ARHGAP23: variants seen among roughly 807,000 people sequenced by gnomAD.
The protein encoded by ARHGAP23 is rho GTPase-activating protein 23.
A neutral mutation model predicts 136.3 loss-of-function variants in ARHGAP23; 34 were observed. The ratio of observed to expected loss-of-function variants is 0.25; its 90% confidence interval spans 0.19 to 0.33. The LOEUF (loss-of-function observed/expected upper bound fraction) is 0.33. ARHGAP23 is among the 10% of genes least tolerant of loss of function. ARHGAP23 has a pLI of 1.00. For synonymous variants in ARHGAP23, 832 were observed against 920.5 expected, an observed-to-expected ratio of 0.90 and a Z score of 1.74; for missense variants, 1,808 against 2,139.0, an observed-to-expected ratio of 0.85 and a Z score of 3.05.
At chr17:38,441,751 G>A (rs1332614094) in intron 1 of ARHGAP23, among the ~76,000 whole-genome samples, 1 of 152,188 alleles carries the variant, frequency 6.6e-6, no homozygotes, top group East Asian at 1.9e-4. Context: ...AGAAGGGGAC[G>A]GGGAGGGGGC....
intron 14 of ARHGAP23, among the ~76,000 whole-genome samples, chr17:38,481,538 C>T (rs898614516): frequency 4.6e-5 from 7 of 152,216 alleles, no homozygotes; most frequent in Admixed American, 2.6e-4. Context: ...GTGGTCCTGC[C>T]GGCCTCAGCT....
chr17:38,463,793 C>T lies in ARHGAP23; in HGVS notation c.483+411C>T, dbSNP rs553964588. Among the ~76,000 whole-genome samples, 11 of 152,242 alleles carry T rather than the reference C, an allele frequency of 7.2e-5. No homozygotes were observed. The South Asian group carries it at 1.7e-3, about 23-fold the overall frequency. ...GCTCAGCACACTGCACCCCACCCAC[C>T]GTCATGTGCACCACACAGTACCCGA... On this transcript the variant is annotated intron_variant, in intron 6 of 23. Transcript: ENST00000622683.
chr17:38,511,384 C>A lies in ARHGAP23; in HGVS notation c.*412C>A, dbSNP rs181179998. The A allele has an allele frequency of 4.2e-3, 751 of 179,674 alleles. 5 individuals are homozygous for A. Among genetic ancestry groups the A allele is most frequent in the Non-Finnish European group, 6.7e-3 (586 of 86,978 alleles). The allele number at this position is 179,674 out of a possible 1,614,324, so 11.1% of individuals were successfully genotyped here. On this transcript the variant is annotated 3_prime_UTR_variant, in exon 24 of 24. Coordinates refer to ENST00000622683, the MANE Select transcript of ARHGAP23 (RefSeq NM_001199417.2). The stretch of plus-strand genomic sequence containing the variant: ...CTGGCTTTTTGCTTCTTTCTTCTGC[C>A]CTCCCACCTCAGCTTGTAAGCGGGG...
Position 38,491,541 on chromosome 17 carries a change from C to G in ARHGAP23, c.3276+9C>G. The G allele has an allele frequency of 6.5e-7, 1 of 1,549,494 alleles. No individual in the cohort carries two copies. The highest frequency in any genetic ancestry group is 8.7e-7 in the Non-Finnish European group (1 of 1,146,772). On this transcript the variant is annotated intron_variant, in intron 20 of 23. Coordinates refer to ENST00000622683, the MANE Select transcript of ARHGAP23 (RefSeq NM_001199417.2). ...AGACACTGATCCAGCACGTAAGCCC[C>G]TGTTCCGGGGGGCGCCCGGCAGCCC... is the stretch of plus-strand genomic sequence containing the variant.
intron 23 of ARHGAP23, among the ~76,000 whole-genome samples, chr17:38,503,309 G>A (rs1431891044): frequency 1.3e-5 from 2 of 152,320 alleles, no homozygotes; most frequent in African/African-American, 4.8e-5. Context: ...CGAAGTGGAA[G>A]GTGAGGACCT....
chr17:38,503,436 G>A (rs2040563414), intron 23 of ARHGAP23, among the ~76,000 whole-genome samples: 1 of 152,250 alleles, frequency 6.6e-6, no homozygotes, highest in South Asian at 2.1e-4. Context: ...GGCAGGCCGA[G>A]GCCTCTGAAG....
chr17:38,497,269 C>T (rs895817308), intron 20 of ARHGAP23, among the ~76,000 whole-genome samples: 19 of 152,230 alleles, frequency 1.2e-4, no homozygotes, highest in African/African-American at 2.4e-4. Flanking sequence ...AAACCTCCAA[C>T]GCCTTTCTCC....
intron 1 of ARHGAP23, 110 bp from the exon 2 acceptor site, chr17:38,457,992 G>A (rs1158862184): frequency 1.1e-5 from 15 of 1,367,508 alleles, no homozygotes; most frequent in East Asian, 1.0e-4. Flanking sequence ...ACCCTAGGGC[G>A]AAAGACCCCT....
chr17:38,424,037 AC>A (rs989110022), upstream of ARHGAP23, among the ~76,000 whole-genome samples: 1 of 152,120 alleles, frequency 6.6e-6, no homozygotes, highest in Non-Finnish European at 1.5e-5. Context: ...AGAGGGTGAA[AC>A]TGAGGTTCTG....
intron 1 of ARHGAP23, among the ~76,000 whole-genome samples, chr17:38,436,028 G>A (rs2144506293): frequency 6.6e-6 from 1 of 152,326 alleles, no homozygotes; most frequent in Non-Finnish European, 1.5e-5. Flanking sequence ...CTGTTATCTT[G>A]CACTGGCATC....
intron 23 of ARHGAP23, 173 bp downstream of exon 23, chr17:38,500,801 T>C (rs2040502863): frequency 1.1e-5 from 7 of 653,100 alleles, no homozygotes; most frequent in Admixed American, 2.7e-5. Context: ...TTGCTTACCT[T>C]GGCAGTGTTT....
intron 1 of ARHGAP23, 73 bp downstream of exon 1, chr17:38,428,621 T>A: frequency 1.9e-6 from 2 of 1,072,050 alleles, no homozygotes; most frequent in South Asian, 2.6e-5. Flanking sequence ...CCAGGGTCGC[T>A]GCGACCCCGC....
chr17:38,443,591 G>A (rs976749478), intron 1 of ARHGAP23, among the ~76,000 whole-genome samples: 1 of 151,850 alleles, frequency 6.6e-6, no homozygotes, highest in African/African-American at 2.4e-5. Flanking sequence ...CTGCCTCTGG[G>A]CATCACAGAC....
At chr17:38,460,554 G>A (rs193013065) in intron 2 of ARHGAP23, among the ~76,000 whole-genome samples, 1 of 152,146 alleles carries the variant, frequency 6.6e-6, no homozygotes, top group African/African-American at 2.4e-5. Context: ...TGTAGTTTGC[G>A]CTTGTCACGT....
intron 1 of ARHGAP23, among the ~76,000 whole-genome samples, chr17:38,429,591 A>G (rs1424235265): frequency 6.6e-6 from 1 of 151,980 alleles, no homozygotes; most frequent in Non-Finnish European, 1.5e-5. Context: ...TCTTTTGGAG[A>G]CTGGTGTGTT....
At chr17:38,472,505 G>A (rs1453805484) in intron 11 of ARHGAP23, among the ~76,000 whole-genome samples, 1 of 150,980 alleles carries the variant, frequency 6.6e-6, no homozygotes, top group East Asian at 1.9e-4. Flanking sequence ...GAGGGGCCAT[G>A]CTGGAGGCAA....
chr17:38,448,600 G>A (rs1346403275), intron 1 of ARHGAP23, among the ~76,000 whole-genome samples: 1 of 149,516 alleles, frequency 6.7e-6, no homozygotes, highest in Non-Finnish European at 1.5e-5. Context: ...GATCCCGTGT[G>A]TCAGCCCCTG....
At chr17:38,454,084 T>TGGCTGCCCTGCCTCA (rs2039264277) in intron 1 of ARHGAP23, 1 of 149,788 alleles carries the variant, frequency 6.7e-6, no homozygotes, top group Admixed American at 6.6e-5. Context: ...GCGCTGCCTC[T>TGGCTGCCCTGCCTCA]GGCTGCCCTG....
In ARHGAP23 at chr17:38,458,181, A is replaced by G. The variant is rs768810537; in HGVS notation, c.143A>G (p.Lys48Arg). Residue 48 changes from lysine to arginine, a missense_variant, in exon 2 of 24, where the codon AAA (lysine) becomes AGA (arginine). By Grantham distance (26) the Lys-to-Arg change is conservative. This residue lies in a region of ARHGAP23 where 859 missense variants were observed against 936.4 expected (regional missense o/e 0.92). Coordinates refer to ENST00000622683, the MANE Select transcript of ARHGAP23 (RefSeq NM_001199417.2). Reference sequence around the variant, plus strand: ...GGGCCGAGGACGCTGCTGCTGTACAAAAGTCCCCAGGACGGCTTTGGCTTC... The same window carrying G: ...GGGCCGAGGACGCTGCTGCTGTACAGAAGTCCCCAGGACGGCTTTGGCTTC... ...WQGPRTLLLY[K>R]SPQDGFGFTL... 4.6e-6 allele frequency: 7 copies of G among 1,536,072 alleles called. No individual in the cohort carries two copies. In the South Asian group the frequency reaches 5.9e-5, roughly 13 times the overall value.
Sources: allele counts gnomAD v4.1 joint callset (sites outside exome capture counted in the v4.1 genomes callset), GRCh38; gene constraint gnomAD v4.1.1; regional missense constraint gnomAD v4.1.1; transcripts MANE v1.5; gene names NCBI Gene and HGNC (gene_info 2026-07-23, HGNC 2026-07-21).